Variants in VWDE observed in about 807,000 individuals in gnomAD.
The protein encoded by VWDE is von Willebrand factor D and EGF domains, also known as von Willebrand factor D and EGF domain-containing protein.
Under a neutral mutation model 178.4 loss-of-function variants are expected in VWDE, and 207 were observed. The ratio of observed to expected loss-of-function variants is 1.16; its 90% CI spans 1.04 to 1.30. The LOEUF is 1.30. Among genes scored for constraint, VWDE ranks in the 50% most tolerant of loss-of-function variants. The probability of loss-of-function intolerance (pLI) is 0.00; values close to 1 mark genes in which losing one functional copy is unlikely to be tolerated. For synonymous variants in VWDE, 738 were observed against 651.4 expected (o/e 1.13, Z -2.02); for missense variants, 2,287 against 1,901.3 (o/e 1.20, Z -3.77).
chr7:12,344,272 C>T lies in VWDE; in HGVS notation c.4001G>A (p.Cys1334Tyr). Residue 1334 changes from cysteine (C) to tyrosine (Y), a missense_variant, in exon 21 of 29, where the codon TGC becomes TAC. Transcript: ENST00000275358. Reference sequence around the variant, plus strand: ...CTTAATACATTTTCCATGGTTTTTGCAATCAGGGTCACAAAGAGCTGTATA... The same window carrying T: ...CTTAATACATTTTCCATGGTTTTTGTAATCAGGGTCACAAAGAGCTGTATA... The part of the protein sequence containing the change: ...NCQTALCDPD[C>Y]KNHGKCIKPN... 2 of 1,550,938 alleles carry T rather than the reference C, an allele frequency of 1.3e-6. No individual in the cohort carries two copies. Among genetic ancestry groups the T allele is most frequent in the Non-Finnish European group, 1.7e-6 (2 of 1,146,530 alleles).
intron 13 of VWDE, 137 bp downstream of exon 13, chr7:12,367,220 T>C: frequency 1.7e-6 from 1 of 593,700 alleles, no homozygotes; most frequent in Non-Finnish European, 2.5e-6. Flanking sequence ...TGTAACTTAA[T>C]CATTTTCCTG....
chr7:12,357,582 C>G (rs1396921917), intron 16 of VWDE, 67 bp from the exon 17 acceptor site: 1 of 1,495,670 alleles, frequency 6.7e-7, no homozygotes, highest in African/African-American at 1.4e-5. Context: ...CTTCTGAGAG[C>G]TCCCACAGAG....
intron 7 of VWDE, among the ~76,000 whole-genome samples, chr7:12,376,720 T>C (rs558967717): frequency 1.5e-4 from 23 of 152,046 alleles, no homozygotes; most frequent in South Asian, 6.2e-4. Context: ...ATGTAATATG[T>C]CTAGGCTGTA....
intron 3 of VWDE, 22 bp from the exon 4 acceptor site, chr7:12,383,623 A>G (rs1464588305): frequency 6.5e-7 from 1 of 1,546,470 alleles, no homozygotes; most frequent in African/African-American, 1.4e-5. Context: ...TAAGGTTTGT[A>G]TAATTATTCA....
intron 13 of VWDE, among the ~76,000 whole-genome samples, chr7:12,362,894 T>C (rs1295747514): frequency 1.3e-5 from 2 of 152,094 alleles, no homozygotes; most frequent in East Asian, 3.9e-4. Context: ...CTTAGGTGAA[T>C]GTACAGTCTC....
At chr7:12,362,382 AGTTT>A (rs1384885705) in intron 13 of VWDE, among the ~76,000 whole-genome samples, 6 of 152,132 alleles carry the variant, frequency 3.9e-5, no homozygotes, top group Non-Finnish European at 5.9e-5. Context: ...TGCTCAAGTT[AGTTT>A]ATTAGTAATT....
intron 18 of VWDE, among the ~76,000 whole-genome samples, chr7:12,355,745 T>C (rs1366524371): frequency 6.6e-6 from 1 of 152,190 alleles, no homozygotes; most frequent in African/African-American, 2.4e-5. Context: ...GTAAAACCTC[T>C]CTTAAGTGAT....
chr7:12,369,406 G>T, intron 12 of VWDE, 139 bp downstream of exon 12: 1 of 1,125,146 alleles, frequency 8.9e-7, no homozygotes, highest in Non-Finnish European at 1.2e-6. Flanking sequence ...TTAGTAATGT[G>T]TTCATTAATA....
At chr7:12,383,364 G>C (rs756172533) in intron 4 of VWDE, among the ~76,000 whole-genome samples, 172 bp downstream of exon 4, 1 of 152,002 alleles carries the variant, frequency 6.6e-6, no homozygotes, top group African/African-American at 2.4e-5. Context: ...CACCCAACTC[G>C]AGGACTATTT....
chr7:12,377,417 A>T (rs565689072), intron 7 of VWDE: 14 of 158,576 alleles, frequency 8.8e-5, no homozygotes, highest in Non-Finnish European at 1.4e-4. Context: ...GAAAAATCTT[A>T]AAGAGCAGTT....
intron 3 of VWDE, among the ~76,000 whole-genome samples, chr7:12,387,224 T>G (rs1199614044): frequency 2.0e-5 from 3 of 152,062 alleles, no homozygotes; most frequent in Admixed American, 6.6e-5. Context: ...ATTATTTGCT[T>G]TGAGATTATG....
intron 1 of VWDE, among the ~76,000 whole-genome samples, chr7:12,395,422 C>T (rs1018056865): frequency 6.6e-6 from 1 of 152,070 alleles, no homozygotes; most frequent in Non-Finnish European, 1.5e-5. Context: ...ATCAATAACT[C>T]CATCTTTATT....
chr7:12,340,430 A>T lies in VWDE; in HGVS notation c.4271-13T>A. ...GGGTCGCACAAAGCTAATAAACAGC[A>T]GGAGGAAAAGAGAACATAAAAGTTT... is the stretch of plus-strand genomic sequence containing the variant. On this transcript the variant is annotated splice_polypyrimidine_tract_variant and intron_variant, in intron 23 of 28. Coordinates refer to ENST00000275358, the MANE Select transcript of VWDE (RefSeq NM_001135924.3). The T allele has an allele frequency of 6.5e-7, 1 of 1,536,296 alleles. No homozygotes were observed. Among genetic ancestry groups the T allele is most frequent in the Non-Finnish European group, 8.8e-7 (1 of 1,137,120 alleles).
At chr7:12,353,022 T>C (rs1233735635) in intron 18 of VWDE, among the ~76,000 whole-genome samples, 1 of 152,206 alleles carries the variant, frequency 6.6e-6, no homozygotes, top group African/African-American at 2.4e-5. Context: ...CCCTAGTTTC[T>C]GTGCATCCAA....
In VWDE at chr7:12,370,442, AGGAT is replaced by A. The variant is rs1281739013; in HGVS notation, c.1860_1863del (p.Ser621IlefsTer40). 13 of 1,544,026 alleles carry A rather than the reference AGGAT, an allele frequency of 8.4e-6. No homozygotes were observed. The highest frequency in any genetic ancestry group is 2.7e-5 in the African/African-American group (2 of 73,016). The stretch of plus-strand genomic sequence containing the variant: ...GCAGTGTCCAATGAACAGCTACAAT[AGGAT>A]GGCTTTCCAGGTGATGTCATAGAAA... On this transcript the variant is annotated frameshift_variant, in exon 12 of 29. Transcript: ENST00000275358. LOFTEE classifies it high-confidence loss of function.
At chr7:12,372,873 TAAAC>T (rs1225628079) in intron 10 of VWDE, 100 bp downstream of exon 10, 19 of 1,160,206 alleles carry the variant, frequency 1.6e-5, no homozygotes, top group African/African-American at 1.6e-4. Flanking sequence ...GCTATTTTCT[TAAAC>T]AAACTAATGT....
intron 19 of VWDE, among the ~76,000 whole-genome samples, chr7:12,349,417 A>T (rs1233204373): frequency 6.6e-6 from 1 of 151,326 alleles, no homozygotes; most frequent in Non-Finnish European, 1.5e-5. Context: ...TAAAATAATA[A>T]ATGTTCTAAA....
In VWDE at chr7:12,369,963, C is replaced by T. The variant is rs763556614; in HGVS notation, c.2343G>A (p.Glu781=). 1 of 1,551,334 alleles carries T rather than the reference C, an allele frequency of 6.4e-7. No homozygotes were observed. The highest frequency in any genetic ancestry group is 1.4e-5 in the African/African-American group (1 of 73,004). ...DLEELTYFFP[E]DHAEDVQQEF... is the part of the protein sequence containing the mutation. ...CTTGCTGTACATCCTCAGCATGGTC[C>T]TCTGGGAAAAAATAAGTAAGTTCTT... The change falls in exon 12 of 29, where the codon GAG becomes GAA. Residue 781 remains glutamate, a synonymous_variant. Coordinates refer to ENST00000275358, the MANE Select transcript of VWDE (RefSeq NM_001135924.3).
chr7:12,360,741 C>T (rs1056254797), intron 15 of VWDE, among the ~76,000 whole-genome samples: 7 of 152,054 alleles, frequency 4.6e-5, no homozygotes, highest in Non-Finnish European at 1.0e-4. Context: ...AATTAGTTGC[C>T]AGGAAATACT....
Sources: gnomAD v4.1 joint callset for allele counts (sites outside exome capture counted in the v4.1 genomes callset) on GRCh38, gnomAD v4.1.1 for gene constraint, MANE v1.5 for transcripts, NCBI Gene and HGNC (gene_info 2026-07-23, HGNC 2026-07-21) for gene names.